The following COL19A1 variants were observed in gnomAD, a reference collection of about 807,000 sequenced individuals.
COL19A1 encodes collagen type XIX alpha 1 chain.
A neutral mutation model predicts 190.2 loss-of-function variants in COL19A1; 159 were observed. The ratio of observed to expected loss-of-function variants is 0.84; its 90% CI spans 0.73 to 0.95. The LOEUF is 0.95. Among genes scored for constraint, COL19A1 ranks in the 40% least tolerant of loss-of-function variants. The pLI is 0.00. For synonymous variants in COL19A1, 509 were observed against 458.9 expected, an observed-to-expected ratio of 1.11 and a Z score of -1.39; for missense variants, 1,418 against 1,431.9, an observed-to-expected ratio of 0.99 and a Z score of 0.16.
At chr6:69,931,981 T>G (rs1772790515) in intron 6 of COL19A1, among the ~76,000 whole-genome samples, 2 of 152,090 alleles carry the variant, frequency 1.3e-5, no homozygotes, top group South Asian at 2.1e-4. Flanking sequence ...CTTATTGACC[T>G]CAAAATAATG....
chr6:70,144,495 G>A (rs1786480832), intron 24 of COL19A1, among the ~76,000 whole-genome samples: 1 of 152,188 alleles, frequency 6.6e-6, no homozygotes, highest in Non-Finnish European at 1.5e-5. Flanking sequence ...GAGTCTGAAA[G>A]TCAAGCTCAG....
At chr6:69,947,963 C>T (rs1202099859) in intron 9 of COL19A1, among the ~76,000 whole-genome samples, 2 of 151,798 alleles carry the variant, frequency 1.3e-5, no homozygotes, top group Non-Finnish European at 2.9e-5. Context: ...TTACTGATGA[C>T]ATTAATTGAC....
At chr6:70,068,573 G>A in intron 15 of COL19A1, 97 bp downstream of exon 15, 1 of 708,260 alleles carries the variant, frequency 1.4e-6, no homozygotes. Flanking sequence ...GCAAGCAGAT[G>A]GGCATATGGA....
chr6:70,180,466 G>A lies in COL19A1; in HGVS notation c.2718G>A (p.Glu906=). The A allele has an allele frequency of 6.2e-7, 1 of 1,614,126 alleles. No individual in the cohort carries two copies. Among genetic ancestry groups the A allele is most frequent in the Non-Finnish European group, 8.5e-7 (1 of 1,180,008 alleles). The change falls in exon 44 of 51, where the codon GAG becomes GAA. Residue 906 remains glutamate (E), a synonymous_variant. Transcript: ENST00000620364. The part of the protein sequence containing the change: ...GPPGVPGEPG[E]RGPVGDIGFP... ...GTCTGTGGATGTGTTTATAGGGTGA[G>A]AGAGGACCTGTTGGAGATATAGGTT...
At chr6:70,180,140 C>T (rs573477811) in intron 42 of COL19A1, among the ~76,000 whole-genome samples, 172 bp from the exon 43 acceptor site, 1 of 152,194 alleles carries the variant, frequency 6.6e-6, no homozygotes, top group Non-Finnish European at 1.5e-5. Context: ...TCCACCTCAG[C>T]GTCCCAAAGT....
intron 14 of COL19A1, among the ~76,000 whole-genome samples, chr6:70,052,308 G>T (rs1171487686): frequency 6.6e-6 from 1 of 152,134 alleles, no homozygotes; most frequent in Non-Finnish European, 1.5e-5. Context: ...TACCCTACAG[G>T]TGTAAAGATA....
chr6:70,023,389 G>T (rs1037234379), intron 11 of COL19A1, among the ~76,000 whole-genome samples: 1 of 152,086 alleles, frequency 6.6e-6, no homozygotes, highest in African/African-American at 2.4e-5. Flanking sequence ...ACCGGCCTCG[G>T]CCTCCCAAAG....
chr6:70,132,475 C>T (rs138641578), intron 18 of COL19A1, among the ~76,000 whole-genome samples: 6 of 152,250 alleles, frequency 3.9e-5, no homozygotes, highest in African/African-American at 1.4e-4. Context: ...TGTAAGTCTA[C>T]TTAGTATCTC....
At position 69,992,991 on chromosome 6, in the gene COL19A1, G is replaced by A. The variant is rs747251961; in HGVS notation, c.1026+30121G>A. ...CTCTGGCTAGGACTTCCAATACTGC[G>A]TTGAATGGGAGCGATGAGAGAGGCC... On this transcript the variant is annotated intron_variant, in intron 11 of 50. Transcript: ENST00000620364. Among the ~76,000 whole-genome samples, 37 of 151,932 alleles carry A rather than the reference G, an allele frequency of 2.4e-4. 1 individual carries two copies. Among genetic ancestry groups the A allele is most frequent in the Admixed American group, 9.2e-4 (14 of 15,228 alleles).
intron 14 of COL19A1, among the ~76,000 whole-genome samples, chr6:70,059,347 G>C (rs1780689256): frequency 6.6e-6 from 1 of 152,006 alleles, no homozygotes; most frequent in African/African-American, 2.4e-5. Flanking sequence ...AATGTATCTT[G>C]CCTCTTTTCA....
intron 11 of COL19A1, among the ~76,000 whole-genome samples, chr6:69,980,626 AG>A (rs755061486): frequency 1.3e-5 from 2 of 152,218 alleles, no homozygotes; most frequent in African/African-American, 2.4e-5. Flanking sequence ...TATAATTAAT[AG>A]GTGACCAGTT....
rs548212025 is a variant in COL19A1, at chr6:70,096,768, T to G, written c.1225-5401T>G. ...AATAACAGCTTTAGTTTTAGAGTAG[T>G]GGTTCTCATAACATGGTCCCCAGAC... On this transcript the variant is annotated intron_variant, in intron 15 of 50. Transcript: ENST00000620364. Among the ~76,000 whole-genome samples the G allele has an allele frequency of 9.2e-5, 14 of 152,290 alleles. No individual in the cohort carries two copies. The East Asian group carries it at 2.7e-3, about 29-fold the overall frequency.
chr6:69,929,355 T>C (rs1202077113), intron 5 of COL19A1, 70 bp from the exon 6 acceptor site: 12 of 1,473,046 alleles, frequency 8.1e-6, no homozygotes, highest in Non-Finnish European at 1.1e-5. Context: ...TCTTGAGCTT[T>C]TCTTTGTGTG....
intron 20 of COL19A1, among the ~76,000 whole-genome samples, chr6:70,141,300 A>C (rs1008949870): frequency 6.6e-6 from 1 of 152,106 alleles, no homozygotes. Flanking sequence ...AAAAATATAA[A>C]ATTAAAATAA....
Position 70,211,049 on chromosome 6 carries a change from C to CTATT in COL19A1, c.*3776_*3777insATTT, listed in dbSNP as rs66577377. Among the ~76,000 whole-genome samples, 1 of 151,474 alleles carries CTATT rather than the reference C, an allele frequency of 6.6e-6. No homozygotes were observed. The highest frequency in any genetic ancestry group is 1.5e-5 in the Non-Finnish European group (1 of 67,802). Reference sequence around the variant, plus strand: ...CTACTTTTTAGACAGGACAGATACTCTCAACAGACAAGAAAAAAGATTTAG... The same window carrying CTATT: ...CTACTTTTTAGACAGGACAGATACTCTATTTCAACAGACAAGAAAAAAGATTTAG... On this transcript the variant is annotated 3_prime_UTR_variant, in exon 51 of 51. Transcript: ENST00000620364.
chr6:70,066,276 AG>A (rs1319208593), intron 14 of COL19A1, among the ~76,000 whole-genome samples: 1 of 152,226 alleles, frequency 6.6e-6, no homozygotes, highest in African/African-American at 2.4e-5. Context: ...GCCATAAAAA[AG>A]GATGAGTTCA....
At chr6:70,187,915 A>C (rs545209228) in intron 46 of COL19A1, among the ~76,000 whole-genome samples, 160 bp from the exon 47 acceptor site, 1 of 152,346 alleles carries the variant, frequency 6.6e-6, no homozygotes, top group South Asian at 2.1e-4. Flanking sequence ...TACTATTAAT[A>C]TGCCCACTTT....
intron 16 of COL19A1, 70 bp from the exon 17 acceptor site, chr6:70,121,810 A>C (rs919686116): frequency 7.1e-5 from 69 of 965,296 alleles, no homozygotes; most frequent in Non-Finnish European, 1.0e-4. Context: ...GAGTTCTTAG[A>C]TATGTTATTT....
intron 15 of COL19A1, among the ~76,000 whole-genome samples, chr6:70,081,428 A>G (rs183896463): frequency 1.3e-5 from 2 of 152,314 alleles, no homozygotes; most frequent in East Asian, 3.9e-4. Flanking sequence ...ACAAATCTAT[A>G]AAACTTTCTC....
Sources: allele counts gnomAD v4.1 joint callset (sites outside exome capture counted in the v4.1 genomes callset), GRCh38; gene constraint gnomAD v4.1.1; transcripts MANE v1.5; gene names NCBI Gene and HGNC (gene_info 2026-07-23, HGNC 2026-07-21).